CPVL: variants seen among roughly 807,000 people sequenced by gnomAD.
The protein encoded by CPVL is probable serine carboxypeptidase CPVL.
A neutral mutation model predicts 63.7 loss-of-function variants in CPVL; 51 were observed. The ratio of observed to expected loss-of-function variants is 0.80; its 90% confidence interval spans 0.64 to 1.01. The LOEUF (loss-of-function observed/expected upper bound fraction) is 1.01, where lower values mean the gene tolerates loss of function less well. Ranked by LOEUF, CPVL falls within the 50% of genes least tolerant of loss-of-function variation. The pLI is 0.00. For missense variants in CPVL, 530 were observed against 573.1 expected (o/e 0.92, Z 0.77); for synonymous variants, 195 against 206.0 (o/e 0.95, Z 0.46).
intron 1 of CPVL, among the ~76,000 whole-genome samples, chr7:29,190,365 T>C (rs138587395): frequency 2.6e-5 from 4 of 152,174 alleles, no homozygotes; most frequent in Non-Finnish European, 5.9e-5. Flanking sequence ...AATACAGTAT[T>C]TCATTCTGTG....
intron 3 of CPVL, among the ~76,000 whole-genome samples, chr7:29,097,274 T>C (rs1369359732): frequency 6.6e-6 from 1 of 152,252 alleles, no homozygotes; most frequent in African/African-American, 2.4e-5. Context: ...TCAATGTGTA[T>C]TTATTGAGCA....
chr7:29,072,512 A>T, intron 7 of CPVL, 89 bp from the exon 8 acceptor site: 1 of 1,451,178 alleles, frequency 6.9e-7, no homozygotes, highest in Non-Finnish European at 9.5e-7. Context: ...ACAATGAAGG[A>T]GCAATCTTTC....
At chr7:29,074,759 G>T (rs1784080146) in intron 7 of CPVL, among the ~76,000 whole-genome samples, 1 of 150,352 alleles carries the variant, frequency 6.7e-6, no homozygotes, top group Admixed American at 6.7e-5. Context: ...TACCTTTACA[G>T]CAGCGTGAAA....
chr7:29,089,461 C>G (rs942324436), intron 6 of CPVL, among the ~76,000 whole-genome samples: 1 of 152,152 alleles, frequency 6.6e-6, no homozygotes, highest in Non-Finnish European at 1.5e-5. Context: ...TGGCAGTGGA[C>G]TTGAGGTAAG....
At chr7:29,107,759 T>C (rs1256993229) in intron 3 of CPVL, among the ~76,000 whole-genome samples, 1 of 152,206 alleles carries the variant, frequency 6.6e-6, no homozygotes, top group Non-Finnish European at 1.5e-5. Flanking sequence ...TGGTGAGCAG[T>C]AGCACATTTG....
intron 11 of CPVL, among the ~76,000 whole-genome samples, chr7:29,063,184 C>T (rs1326860346): frequency 6.6e-6 from 1 of 152,178 alleles, no homozygotes; most frequent in Non-Finnish European, 1.5e-5. Flanking sequence ...TCCACTGGCA[C>T]CTCCACTGGC....
intron 12 of CPVL, among the ~76,000 whole-genome samples, chr7:29,028,789 C>A (rs1787736208): frequency 6.6e-6 from 1 of 151,970 alleles, no homozygotes; most frequent in Non-Finnish European, 1.5e-5. Context: ...CACGGTGAAA[C>A]CCCATCTCTA....
intron 12 of CPVL, among the ~76,000 whole-genome samples, chr7:28,999,983 G>A (rs866924841): frequency 3.0e-4 from 46 of 152,156 alleles, no homozygotes; most frequent in Middle Eastern, 6.8e-3. Flanking sequence ...AAATGTGTCA[G>A]GGCTGTAATT....
At chr7:29,006,521 T>C (rs1054799878) in intron 12 of CPVL, among the ~76,000 whole-genome samples, 4 of 152,162 alleles carry the variant, frequency 2.6e-5, no homozygotes, top group Admixed American at 6.5e-5. Context: ...GTGACAATGA[T>C]AGAATTTCAA....
chr7:29,153,832 AG>A (rs1401693260), intron 5 of CPVL, among the ~76,000 whole-genome samples: 2 of 152,172 alleles, frequency 1.3e-5, no homozygotes, highest in Non-Finnish European at 2.9e-5. Context: ...GGCCTCTCTA[AG>A]TGCTGGGATT....
intron 1 of CPVL, chr7:29,193,449 A>G (rs945095224): frequency 1.3e-5 from 2 of 152,134 alleles, no homozygotes; most frequent in Non-Finnish European, 2.9e-5. Context: ...AAAAAGTTGA[A>G]CTACCCCAAT....
intron 1 of CPVL, among the ~76,000 whole-genome samples, chr7:29,189,550 G>A (rs918805650): frequency 2.0e-5 from 3 of 152,164 alleles, no homozygotes; most frequent in African/African-American, 7.2e-5. Flanking sequence ...AGACAGAAAA[G>A]ATGTTTGTAA....
chr7:29,148,526 C>G (rs1159612408), upstream of CPVL: 1 of 152,192 alleles, frequency 6.6e-6, no homozygotes, highest in Non-Finnish European at 1.5e-5. Context: ...ATATGGCATA[C>G]ATTAACCAGA....
intron 11 of CPVL, among the ~76,000 whole-genome samples, chr7:29,039,328 G>A (rs1359625238): frequency 6.6e-6 from 1 of 152,154 alleles, no homozygotes; most frequent in Non-Finnish European, 1.5e-5. Context: ...AATAGAGTAT[G>A]CCTCTGAGGG....
intron 3 of CPVL, among the ~76,000 whole-genome samples, chr7:29,103,658 T>C (rs1282091735): frequency 1.3e-5 from 2 of 152,136 alleles, no homozygotes; most frequent in South Asian, 2.1e-4. Flanking sequence ...TCACTTAAAG[T>C]AGACAGGCAT....
chr7:29,098,853 A>G (rs1014787559), intron 3 of CPVL, among the ~76,000 whole-genome samples: 4 of 152,144 alleles, frequency 2.6e-5, no homozygotes, highest in Non-Finnish European at 5.9e-5. Context: ...ACCAGAGGTC[A>G]AGAGTTCGAG....
chr7:29,104,373 G>A (rs1787515274), intron 3 of CPVL, among the ~76,000 whole-genome samples: 2 of 152,178 alleles, frequency 1.3e-5, no homozygotes, highest in African/African-American at 4.8e-5. Flanking sequence ...CGATTCTCCT[G>A]CCTCAGCCTC....
intron 5 of CPVL, among the ~76,000 whole-genome samples, chr7:29,093,266 A>G (rs1320460979): frequency 6.6e-6 from 1 of 151,328 alleles, no homozygotes; most frequent in Non-Finnish European, 1.5e-5. Flanking sequence ...AATCCCAGCT[A>G]CTCAGGAGGC....
Position 29,076,576 on chromosome 7 carries a change from C to G in CPVL, c.610-4153G>C, listed in dbSNP as rs1186525267. ...CAAACTAGGTTAGCACTCAACACAT[C>G]AGAATTTTTAGGGTGCCCTTATTAT... On this transcript the variant is annotated intron_variant, in intron 7 of 12. Coordinates refer to ENST00000265394, the MANE Select transcript of CPVL (RefSeq NM_031311.5). Among the ~76,000 whole-genome samples the G allele has an allele frequency of 2.0e-5, 3 of 152,186 alleles. No homozygotes were observed. In the East Asian group the frequency reaches 5.8e-4, roughly 29 times the overall value.
Sources: allele counts gnomAD v4.1 joint callset (sites outside exome capture counted in the v4.1 genomes callset), GRCh38; gene constraint gnomAD v4.1.1; transcripts MANE v1.5; gene names NCBI Gene and HGNC (gene_info 2026-07-23, HGNC 2026-07-21).